The following MROH9 variants were observed in gnomAD, a reference collection of about 807,000 sequenced individuals.
MROH9 encodes maestro heat-like repeat-containing protein family member 9.
In MROH9, 92 loss-of-function variants were observed where a neutral mutation model predicts 98.2. That is an observed-to-expected ratio of 0.94 (90% CI 0.79 to 1.11). MROH9 has a LOEUF of 1.11. Ranked by LOEUF, MROH9 falls within the 50% of genes most tolerant of loss-of-function variation. MROH9 has a pLI of 0.00. For synonymous variants in MROH9, 397 were observed against 368.9 expected (o/e 1.08, Z -0.87); for missense variants, 1,057 against 1,014.8 (o/e 1.04, Z -0.57).
At chr1:170,972,823 A>ATAT (rs1557879869) in intron 8 of MROH9, among the ~76,000 whole-genome samples, 1 of 67,234 alleles carries the variant, frequency 1.5e-5, no homozygotes, top group Non-Finnish European at 2.9e-5. Context: ...AAAAAAAAAA[A>ATAT]AAAAATACAC....
At chr1:171,059,729 G>A (rs1190428560) in intron 20 of MROH9, among the ~76,000 whole-genome samples, 1 of 152,132 alleles carries the variant, frequency 6.6e-6, no homozygotes, top group East Asian at 1.9e-4. Flanking sequence ...GTCCTTTGCA[G>A]GGACATGGAC....
chr1:171,055,975 G>A (rs1653826937), intron 20 of MROH9, among the ~76,000 whole-genome samples: 2 of 152,126 alleles, frequency 1.3e-5, no homozygotes, highest in African/African-American at 2.4e-5. Context: ...CAGGGGGAAC[G>A]GTGATTTTTC....
intron 9 of MROH9, among the ~76,000 whole-genome samples, chr1:170,985,041 A>G (rs16863898): frequency 0.36 from 54,199 of 151,952 alleles, 9,897 homozygotes; most frequent in Middle Eastern, 0.48. Context: ...ACAATTCCCA[A>G]ACTATGGCAC....
chr1:171,017,895 C>G (rs940341444), intron 17 of MROH9, among the ~76,000 whole-genome samples: 1 of 151,816 alleles, frequency 6.6e-6, no homozygotes, highest in Non-Finnish European at 1.5e-5. Flanking sequence ...ACTCTGATCT[C>G]CTTAGGCCTG....
intron 3 of MROH9, among the ~76,000 whole-genome samples, chr1:170,948,600 A>G (rs973719014): frequency 5.3e-5 from 8 of 152,112 alleles, no homozygotes; most frequent in Admixed American, 4.6e-4. Context: ...TTGAGAAACA[A>G]AGTAGAATAA....
At chr1:170,941,051 C>A (rs1310614461) in intron 1 of MROH9, among the ~76,000 whole-genome samples, 2 of 152,136 alleles carry the variant, frequency 1.3e-5, no homozygotes, top group African/African-American at 4.8e-5. Context: ...ACACCGGACC[C>A]ACTGTTAGAA....
chr1:171,024,166 T>C (rs905086974), intron 17 of MROH9, among the ~76,000 whole-genome samples: 5 of 152,156 alleles, frequency 3.3e-5, no homozygotes, highest in African/African-American at 7.2e-5. Flanking sequence ...TTGTGAATAA[T>C]AGGTAGGCAA....
intron 11 of MROH9, 111 bp from the exon 12 acceptor site, chr1:170,992,052 CT>C: frequency 8.6e-7 from 1 of 1,159,670 alleles, no homozygotes; most frequent in Admixed American, 3.3e-5. Context: ...TCTGCAGTGT[CT>C]TTGCTATATA....
At chr1:171,052,861 G>A (rs1653713506) in intron 20 of MROH9, among the ~76,000 whole-genome samples, 1 of 152,166 alleles carries the variant, frequency 6.6e-6, no homozygotes, top group Admixed American at 6.5e-5. Context: ...GCCTTAGTAG[G>A]GAGTGGAGGG....
chr1:170,983,046 C>T (rs1456993386), intron 8 of MROH9, among the ~76,000 whole-genome samples: 4 of 152,224 alleles, frequency 2.6e-5, no homozygotes, highest in Non-Finnish European at 5.9e-5. Context: ...CTTCTGGATT[C>T]CCTGGTCTAC....
At chr1:171,000,122 A>G (rs1424207444) in intron 15 of MROH9, among the ~76,000 whole-genome samples, 1 of 151,566 alleles carries the variant, frequency 6.6e-6, no homozygotes, top group Non-Finnish European at 1.5e-5. Flanking sequence ...ATTTTCTCCC[A>G]CTCTGTGGGT....
intron 8 of MROH9, among the ~76,000 whole-genome samples, chr1:170,979,169 G>A (rs572786890): frequency 1.2e-4 from 18 of 152,336 alleles, no homozygotes; most frequent in African/African-American, 3.4e-4. Flanking sequence ...CAAAATTAAC[G>A]TGGGTTACTT....
intron 12 of MROH9, among the ~76,000 whole-genome samples, chr1:170,995,105 G>A (rs928479794): frequency 2.0e-5 from 3 of 152,078 alleles, no homozygotes; most frequent in African/African-American, 7.2e-5. Flanking sequence ...GACCTTGGAA[G>A]GGAAGCCTAC....
Position 171,026,275 on chromosome 1 carries a change from TTTTC to T in MROH9, c.2281+859_2281+862del, listed in dbSNP as rs1346578604. On this transcript the variant is annotated intron_variant, in intron 20 of 21. Transcript: ENST00000367759. ...GTTATCATAACTTTCTGTCATTTTC[TTTTC>T]TTTTTTTTTTTTTAAGACAGAATCT... Among the ~76,000 whole-genome samples the T allele has an allele frequency of 1.0e-3, 143 of 137,836 alleles. 1 individual carries two copies. The highest frequency in any genetic ancestry group is 4.3e-3 in the African/African-American group (129 of 30,252). The allele number at this position is 137,836 out of a possible 152,430, so 90.4% of individuals were successfully genotyped here.
intron 16 of MROH9, chr1:171,014,861 C>G (rs1249452819): frequency 7.2e-6 from 3 of 414,956 alleles, no homozygotes; most frequent in African/African-American, 4.1e-5. Flanking sequence ...TGAGGCCCCA[C>G]CCCCGTCCTA....
chr1:171,041,588 G>C (rs374148559), intron 20 of MROH9, among the ~76,000 whole-genome samples: 7 of 151,732 alleles, frequency 4.6e-5, no homozygotes, highest in African/African-American at 1.7e-4. Flanking sequence ...TAGATACCTA[G>C]TAGTAAGATT....
chr1:170,954,684 A>G (rs1012815881), intron 3 of MROH9, among the ~76,000 whole-genome samples: 14 of 151,802 alleles, frequency 9.2e-5, no homozygotes, highest in Non-Finnish European at 4.4e-5. Flanking sequence ...ATTATCTTTC[A>G]TCTTTTTGAT....
chr1:170,985,055 C>G (rs1285188343), intron 9 of MROH9, among the ~76,000 whole-genome samples: 1 of 152,102 alleles, frequency 6.6e-6, no homozygotes, highest in African/African-American at 2.4e-5. Flanking sequence ...ATGGCACTCT[C>G]ATTTTATATA....
At chr1:171,030,924 C>A (rs951939470) in intron 20 of MROH9, among the ~76,000 whole-genome samples, 5 of 152,162 alleles carry the variant, frequency 3.3e-5, no homozygotes, top group Non-Finnish European at 7.4e-5. Flanking sequence ...GTCTAAGTCT[C>A]TTTGTATTTC....
Sources: allele counts gnomAD v4.1 joint callset (sites outside exome capture counted in the v4.1 genomes callset), GRCh38; gene constraint gnomAD v4.1.1; transcripts MANE v1.5; gene names NCBI Gene and HGNC (gene_info 2026-07-23, HGNC 2026-07-21).